Variants in JAK1 observed in about 807,000 individuals in gnomAD.
JAK1 encodes Janus kinase 1, also known as tyrosine-protein kinase JAK1.
In JAK1, 16 loss-of-function variants were observed where a neutral mutation model predicts 136.6. That is an observed-to-expected ratio of 0.12 (90% CI 0.08 to 0.18). JAK1 has a LOEUF of 0.18. JAK1 is among the 10% of genes least tolerant of loss of function. The pLI is 1.00. For missense variants in JAK1, 859 were observed against 1,450.1 expected (o/e 0.59, Z 6.62); for synonymous variants, 492 against 519.5 (o/e 0.95, Z 0.72).
Position 64,834,293 on chromosome 1 carries a change from C to T in JAK1, c.*269G>A, listed in dbSNP as rs1654328820. Reference sequence around the variant, plus strand: ...CAGATGAAATGGTGGTATATTCTTTCCACAAGGAGGAGTGCTTAAGTGCTT... The same window carrying T: ...CAGATGAAATGGTGGTATATTCTTTTCACAAGGAGGAGTGCTTAAGTGCTT... On this transcript the variant is annotated 3_prime_UTR_variant, in exon 25 of 25. Transcript: ENST00000342505. The T allele has an allele frequency of 3.4e-6, 1 of 290,272 alleles. No individual in the cohort carries two copies. Among genetic ancestry groups the T allele is most frequent in the Non-Finnish European group, 6.5e-6 (1 of 153,480 alleles). The allele number at this position is 290,272 out of a possible 1,614,324, so 18.0% of individuals were successfully genotyped here.
chr1:64,887,573 C>G (rs72675462), intron 1 of JAK1, among the ~76,000 whole-genome samples: 1 of 152,068 alleles, frequency 6.6e-6, no homozygotes, highest in Non-Finnish European at 1.5e-5. Flanking sequence ...TCCCTGCCTA[C>G]GTGGAGCTTA....
chr1:64,839,116 A>C (rs2780893), intron 20 of JAK1, among the ~76,000 whole-genome samples: 83,531 of 134,866 alleles, frequency 0.62, 25,850 homozygotes, highest in South Asian at 0.74. Context: ...ACTGCAGTCC[A>C]GCCTGGGCCA....
rs557624796 is a variant in JAK1 at position 64,844,770 on chromosome 1, C to G, written c.2235G>C (p.Thr745=). 1.2e-6 allele frequency: 2 copies of G among 1,614,164 alleles called. No individual in the cohort carries two copies. Among genetic ancestry groups the G allele is most frequent in the Middle Eastern group, 1.7e-4 (1 of 6,044 alleles). The change falls in exon 16 of 25, where the codon ACG becomes ACC. Residue 745 remains threonine, a synonymous_variant. Transcript: ENST00000342505. The surrounding 1 kb of genome is among the most constrained non-coding windows in gnomAD (Gnocchi z 5.7). Reference sequence around the variant, plus strand: ...GAGACACACCTTGCCTAGACAGCACCGTAATGGGGATGCCGGGGTCACTGA... The same window carrying G: ...GAGACACACCTTGCCTAGACAGCACGGTAATGGGGATGCCGGGGTCACTGA... ...IKLSDPGIPI[T]VLSRQECIER... is the part of the protein sequence containing the mutation.
At position 64,966,316 on chromosome 1, in the gene JAK1, C is replaced by A. The variant is rs1028171365; in HGVS notation, c.-78+17G>T. On this transcript the variant is annotated intron_variant, in intron 1 of 24. Transcript: ENST00000342505. Reference sequence around the variant, plus strand: ...CGCGGCCGCCCCGGCTCCTCCACCTCCCCCGGTGACACTCACCACTTCCGT... The same window carrying A: ...CGCGGCCGCCCCGGCTCCTCCACCTACCCCGGTGACACTCACCACTTCCGT... The A allele has an allele frequency of 1.8e-4, 27 of 152,202 alleles. No individual in the cohort carries two copies. The highest frequency in any genetic ancestry group is 3.5e-4 in the Non-Finnish European group (24 of 68,526). 9.4% of individuals were successfully genotyped at this position (152,202 alleles called of 1,614,324 possible).
At chr1:64,847,443 G>T in intron 13 of JAK1, 89 bp downstream of exon 13, 1 of 1,497,196 alleles carries the variant, frequency 6.7e-7, no homozygotes, top group Non-Finnish European at 9.1e-7. Context: ...TGGGCCACAA[G>T]AAGGGCAAGG....
chr1:64,902,583 A>AGAGTGTGTGTGTGTGTGTGTGTGTGT, intron 1 of JAK1, among the ~76,000 whole-genome samples: 1 of 73,792 alleles, frequency 1.4e-5, no homozygotes, highest in African/African-American at 6.2e-5. Flanking sequence ...AGAGAGAGAG[A>AGAGTGTGTGTGTGTGTGTGTGTGTGT]GTGTGTGTGT....
intron 1 of JAK1, among the ~76,000 whole-genome samples, chr1:64,931,709 G>A (rs773739047): frequency 2.6e-5 from 4 of 152,050 alleles, no homozygotes; most frequent in Non-Finnish European, 5.9e-5. Flanking sequence ...TCAAAACTCT[G>A]TTCTTTAATG....
intron 17 of JAK1, among the ~76,000 whole-genome samples, chr1:64,842,198 AAGAG>A (rs1654948384): frequency 6.6e-6 from 1 of 152,250 alleles, no homozygotes; most frequent in Non-Finnish European, 1.5e-5. Flanking sequence ...TTGTTTAAAA[AAGAG>A]AGATACAAAC....
At chr1:64,938,239 T>TA (rs201402246) in intron 1 of JAK1, among the ~76,000 whole-genome samples, 3,406 of 152,120 alleles carry the variant, frequency 0.022, 67 homozygotes, top group Non-Finnish European at 0.035. Context: ...TACAAAGATA[T>TA]AAAAAAATAC....
chr1:64,992,763 C>G (rs1329623773), intron 2 of JAK1: 2 of 151,724 alleles, frequency 1.3e-5, no homozygotes, highest in Non-Finnish European at 2.9e-5. Flanking sequence ...GTGGCAGGTG[C>G]CTGTAGTCCC....
chr1:65,038,890 G>A (rs1433536753), intron 2 of JAK1, among the ~76,000 whole-genome samples: 1 of 151,652 alleles, frequency 6.6e-6, no homozygotes, highest in Admixed American at 6.6e-5. Context: ...TGCCCACCTT[G>A]GCCTCCCAAA....
intron 1 of JAK1, among the ~76,000 whole-genome samples, chr1:65,046,430 T>C (rs1359273583): frequency 2.0e-5 from 3 of 152,184 alleles, no homozygotes; most frequent in Non-Finnish European, 4.4e-5. Context: ...AGACACCCAC[T>C]GAGGAGTATA....
chr1:64,932,469 C>G (rs538852277), intron 1 of JAK1, among the ~76,000 whole-genome samples: 2 of 152,034 alleles, frequency 1.3e-5, no homozygotes, highest in African/African-American at 4.8e-5. Flanking sequence ...CAGTAATTAA[C>G]CAAAGGTAAT....
chr1:64,864,681 T>G (rs1386578866), intron 8 of JAK1, 106 bp downstream of exon 8: 1 of 938,070 alleles, frequency 1.1e-6, no homozygotes, highest in African/African-American at 1.7e-5. Context: ...AATCCTGTTT[T>G]CTCTTTAGGA....
chr1:65,053,618 A>G (rs971663218), intron 1 of JAK1, among the ~76,000 whole-genome samples: 1 of 152,248 alleles, frequency 6.6e-6, no homozygotes, highest in Non-Finnish European at 1.5e-5. Context: ...TGGGAGGCCA[A>G]AGCAGGAGGA....
intron 2 of JAK1, among the ~76,000 whole-genome samples, chr1:64,995,377 A>C (rs1246452647): frequency 6.6e-6 from 1 of 152,308 alleles, no homozygotes; most frequent in South Asian, 2.1e-4. Flanking sequence ...CCTTCAAACA[A>C]TCAGACGCCA....
intron 1 of JAK1, among the ~76,000 whole-genome samples, chr1:64,888,173 T>G (rs1384798562): frequency 6.6e-6 from 1 of 152,200 alleles, no homozygotes; most frequent in Admixed American, 6.5e-5. Flanking sequence ...AAGGTGTTTT[T>G]CTGTTGTTGT....
intron 19 of JAK1, among the ~76,000 whole-genome samples, chr1:64,840,310 G>A (rs1237283938): frequency 2.6e-5 from 4 of 152,166 alleles, no homozygotes; most frequent in East Asian, 1.9e-4. Context: ...ACGGTGGGGG[G>A]AACTAAGGAT....
chr1:65,013,645 C>T (rs74080250), intron 2 of JAK1, among the ~76,000 whole-genome samples: 171 of 152,210 alleles, frequency 1.1e-3, no homozygotes, highest in African/African-American at 3.9e-3. Context: ...ATATTGATGA[C>T]GTCCCTAGGA....
Sources: gnomAD v4.1 joint callset for allele counts (sites outside exome capture counted in the v4.1 genomes callset) on GRCh38, gnomAD v4.1.1 for gene constraint, Gnocchi (gnomAD v3.1) non-coding constraint, MANE v1.5 for transcripts, NCBI Gene and HGNC (gene_info 2026-07-23, HGNC 2026-07-21) for gene names.